Variants in PCSK2 observed in about 807,000 individuals in gnomAD.
PCSK2 encodes neuroendocrine convertase 2.
In PCSK2, 14 loss-of-function variants were observed where a neutral mutation model predicts 69.7. The ratio of observed to expected loss-of-function variants is 0.20; its 90% CI spans 0.13 to 0.31. PCSK2 has a LOEUF of 0.31. PCSK2 is among the 10% of genes least tolerant of loss of function. The probability of loss-of-function intolerance (pLI) is 1.00; values close to 1 mark genes in which losing one functional copy is unlikely to be tolerated. For synonymous variants in PCSK2, 307 were observed against 320.7 expected, an observed-to-expected ratio of 0.96 and a Z score of 0.46; for missense variants, 544 against 842.5, an observed-to-expected ratio of 0.65 and a Z score of 4.39.
intron 6 of PCSK2, among the ~76,000 whole-genome samples, chr20:17,427,514 C>A (rs2032273372): frequency 1.3e-5 from 2 of 152,246 alleles, no homozygotes; most frequent in Admixed American, 6.5e-5. Flanking sequence ...TGGCTCCCCA[C>A]ACGTGAGCCA....
rs201880969 is a variant in PCSK2, at chr20:17,453,722, G to A, written c.886-20G>A. ...AGCCCAGGCTGTGGGTAGCGGCAGC[G>A]TCTCCCCTGCTCTCCCCAGGGCCGC... On this transcript the variant is annotated intron_variant, in intron 8 of 11. Coordinates refer to ENST00000262545, the MANE Select transcript of PCSK2 (RefSeq NM_002594.5). This position sits in a 1 kb window ranked among gnomAD's most constrained non-coding sequence, Gnocchi z 4.0. 749 of 1,610,634 alleles carry A rather than the reference G, an allele frequency of 4.7e-4. 2 individuals carry two copies. In the African/African-American group the frequency reaches 8.6e-3, roughly 18 times the overall value.
intron 2 of PCSK2, among the ~76,000 whole-genome samples, chr20:17,325,184 G>A (rs1990004283): frequency 6.6e-6 from 1 of 152,044 alleles, no homozygotes; most frequent in Non-Finnish European, 1.5e-5. Flanking sequence ...GCTCCCTGTG[G>A]GTCCAGGCTG....
chr20:17,239,454 C>G (rs1399409168), intron 1 of PCSK2, among the ~76,000 whole-genome samples: 1 of 151,950 alleles, frequency 6.6e-6, no homozygotes, highest in Non-Finnish European at 1.5e-5. Flanking sequence ...GCACTTTAGG[C>G]AGAGGAGAAG....
intron 5 of PCSK2, among the ~76,000 whole-genome samples, chr20:17,387,344 C>T (rs932697022): frequency 1.3e-5 from 2 of 152,066 alleles, no homozygotes; most frequent in African/African-American, 4.8e-5. Context: ...TGTTTCACAC[C>T]GTTTTTATGA....
intron 5 of PCSK2, among the ~76,000 whole-genome samples, chr20:17,402,582 A>G (rs553722130): frequency 6.8e-6 from 1 of 147,652 alleles, no homozygotes; most frequent in Admixed American, 6.9e-5. Context: ...AATCACTTGA[A>G]CCCTAGGGAC....
chr20:17,413,750 C>T (rs2123311316), intron 6 of PCSK2, among the ~76,000 whole-genome samples: 1 of 152,322 alleles, frequency 6.6e-6, no homozygotes, highest in East Asian at 1.9e-4. Context: ...CATCACATCG[C>T]ACTTATTCCA....
rs2033461194 is a variant in PCSK2 at position 17,484,467 on chromosome 20, GAAT to G, written c.*2404_*2406del. ...TTTATTTTAAAAAATGAAAATAAGTGAATAATAATTAGGTTAACATTGTTGCTC... is the reference window on the plus strand; with the variant it reads ...TTTATTTTAAAAAATGAAAATAAGTGAATAATTAGGTTAACATTGTTGCTC... On this transcript the variant is annotated 3_prime_UTR_variant, in exon 12 of 12. Transcript: ENST00000262545. The G allele has an allele frequency of 6.6e-6, 1 of 152,444 alleles. No individual in the cohort carries two copies. 9.4% of individuals were successfully genotyped at this position (152,444 alleles called of 1,614,324 possible). A position where few individuals can be genotyped will look rare whatever the true frequency, so the allele number is the denominator to read the frequency against.
chr20:17,397,484 A>AT lies in PCSK2; in HGVS notation c.544-11778dup, dbSNP rs1011440591. On this transcript the variant is annotated intron_variant, in intron 5 of 11. Coordinates refer to ENST00000262545, the MANE Select transcript of PCSK2 (RefSeq NM_002594.5). ...ACTACCAGAAGCACAAAAATTCAAT[A>AT]TATTTTTTTTTTTGAGATGGAGTCT... Among the ~76,000 whole-genome samples, 6 of 76,648 alleles carry AT rather than the reference A, an allele frequency of 7.8e-5. No individual in the cohort carries two copies. The East Asian group carries it at 1.8e-3, about 23-fold the overall frequency. The allele number at this position is 76,648 out of a possible 152,430, so 50.3% of individuals were successfully genotyped here. A position where few individuals can be genotyped will look rare whatever the true frequency, so the allele number is the denominator to read the frequency against.
intron 1 of PCSK2, among the ~76,000 whole-genome samples, chr20:17,241,764 A>C (rs1207348313): frequency 6.6e-6 from 1 of 152,254 alleles, no homozygotes; most frequent in Admixed American, 6.5e-5. Flanking sequence ...CTCCCCTGAC[A>C]TATAAATATA....
chr20:17,294,515 C>T (rs1360601616), intron 2 of PCSK2, among the ~76,000 whole-genome samples: 3 of 152,188 alleles, frequency 2.0e-5, no homozygotes, highest in Non-Finnish European at 4.4e-5. Context: ...CTCCTGCCCT[C>T]ACACATGAAG....
At chr20:17,452,826 A>G (rs756850492) in intron 8 of PCSK2, among the ~76,000 whole-genome samples, 1 of 152,238 alleles carries the variant, frequency 6.6e-6, no homozygotes, top group African/African-American at 2.4e-5. Context: ...TTGTTTAGGT[A>G]GAGAGGAAAA....
intron 7 of PCSK2, among the ~76,000 whole-genome samples, chr20:17,430,492 G>T (rs73898539): frequency 6.6e-6 from 1 of 152,240 alleles, no homozygotes; most frequent in African/African-American, 2.4e-5. Context: ...TAAAGCAAAG[G>T]TAACCTATAC....
intron 5 of PCSK2, among the ~76,000 whole-genome samples, chr20:17,375,497 C>A (rs2030898494): frequency 6.6e-6 from 1 of 152,156 alleles, no homozygotes; most frequent in Non-Finnish European, 1.5e-5. Flanking sequence ...CATCTTCTTC[C>A]CTGTCACATA....
intron 10 of PCSK2, among the ~76,000 whole-genome samples, chr20:17,461,732 C>G (rs2033017636): frequency 6.6e-6 from 1 of 152,166 alleles, no homozygotes; most frequent in Non-Finnish European, 1.5e-5. Context: ...AATAGAAGTA[C>G]TATGCTCTGA....
chr20:17,395,546 C>A (rs1219490144), intron 5 of PCSK2, among the ~76,000 whole-genome samples: 1 of 152,132 alleles, frequency 6.6e-6, no homozygotes, highest in Non-Finnish European at 1.5e-5. Flanking sequence ...AAACCTTGAG[C>A]AAATTACATA....
Position 17,283,193 on chromosome 20 carries a change from T to C in PCSK2, c.282+22849T>C, listed in dbSNP as rs1988383192. ...AGAGATAGGTGGATACACAGATAAA[T>C]AAACCTGATAGAAAGATGATAGATA... On this transcript the variant is annotated intron_variant, in intron 2 of 11. Transcript: ENST00000262545. Among the ~76,000 whole-genome samples the C allele has an allele frequency of 2.0e-5, 3 of 152,052 alleles. No individual in the cohort carries two copies. The South Asian group carries it at 6.2e-4, about 32-fold the overall frequency.
At chr20:17,340,870 C>T (rs1020205622) in intron 2 of PCSK2, among the ~76,000 whole-genome samples, 1 of 152,192 alleles carries the variant, frequency 6.6e-6, no homozygotes, top group Admixed American at 6.5e-5. Flanking sequence ...AGACTCACTG[C>T]TGGGTTGTCC....
chr20:17,447,359 G>A (rs1291145860), intron 8 of PCSK2, among the ~76,000 whole-genome samples: 1 of 150,508 alleles, frequency 6.6e-6, no homozygotes, highest in African/African-American at 2.4e-5. Flanking sequence ...AATAAAGCAA[G>A]AATACAAATG....
chr20:17,471,553 G>A (rs73900824), intron 11 of PCSK2, among the ~76,000 whole-genome samples: 5,518 of 152,222 alleles, frequency 0.036, 357 homozygotes, highest in African/African-American at 0.13. Flanking sequence ...AGCAGCAGCC[G>A]GACACAAGGG....
Sources: gnomAD v4.1 joint callset for allele counts (sites outside exome capture counted in the v4.1 genomes callset) on GRCh38, gnomAD v4.1.1 for gene constraint, Gnocchi (gnomAD v3.1) non-coding constraint, MANE v1.5 for transcripts, NCBI Gene and HGNC (gene_info 2026-07-23, HGNC 2026-07-21) for gene names.